Variants in USP13 observed in about 807,000 individuals in gnomAD.
USP13 encodes the protein ubiquitin specific peptidase 13.
A neutral mutation model predicts 107.8 loss-of-function variants in USP13; 68 were observed. The observed-to-expected ratio is 0.63, with a 90% CI of 0.52 to 0.77. The LOEUF is 0.77. Ranked by LOEUF, USP13 falls within the 30% of genes least tolerant of loss-of-function variation. The probability of loss-of-function intolerance (pLI) is 0.00; values close to 1 mark genes in which losing one functional copy is unlikely to be tolerated. For missense variants in USP13, 945 were observed against 1,093.3 expected (o/e 0.86, Z 1.91); for synonymous variants, 377 against 389.5 (o/e 0.97, Z 0.38).
chr3:179,730,161 G>T (rs780879607), intron 8 of USP13, 28 bp from the exon 9 acceptor site: 1 of 1,600,840 alleles, frequency 6.2e-7, no homozygotes, highest in South Asian at 1.1e-5. Context: ...CAGTTGCTAT[G>T]TTTTAACTAT....
At chr3:179,694,799 CAAAAAAAAAAAAAAA>C (rs576517737) in intron 3 of USP13, among the ~76,000 whole-genome samples, 3 of 82,188 alleles carry the variant, frequency 3.7e-5, no homozygotes, top group African/African-American at 1.4e-4. Context: ...AACTCCATCT[CAAAAAAAAAAAAAAA>C]AAAAAAAAAG....
intron 4 of USP13, among the ~76,000 whole-genome samples, chr3:179,702,315 G>T (rs55948115): frequency 0.24 from 36,706 of 152,144 alleles, 4,863 homozygotes; most frequent in African/African-American, 0.33. Context: ...CACCGCGCCC[G>T]GCCTGGTCTC....
At chr3:179,690,110 A>C in intron 2 of USP13, 131 bp from the exon 3 acceptor site, 1 of 787,850 alleles carries the variant, frequency 1.3e-6, no homozygotes, top group South Asian at 2.1e-5. Context: ...TTTATCCTGG[A>C]ATTGCTAATC....
At chr3:179,780,824 T>C (rs778355297) in intron 19 of USP13, among the ~76,000 whole-genome samples, 3 of 152,216 alleles carry the variant, frequency 2.0e-5, no homozygotes, top group Non-Finnish European at 4.4e-5. Context: ...AATACTTCTT[T>C]TGGAAAATGT....
At chr3:179,767,804 C>T (rs1437302643) in intron 19 of USP13, among the ~76,000 whole-genome samples, 1 of 152,114 alleles carries the variant, frequency 6.6e-6, no homozygotes, top group Non-Finnish European at 1.5e-5. Flanking sequence ...GCATTTGTTC[C>T]TATAATCATA....
At position 179,721,335 on chromosome 3, in the gene USP13, TA is replaced by T; in HGVS notation, c.901-65del. On this transcript the variant is annotated intron_variant, in intron 7 of 20. Coordinates refer to ENST00000263966, the MANE Select transcript of USP13 (RefSeq NM_003940.3). This position sits in a 1 kb window ranked among gnomAD's most constrained non-coding sequence, Gnocchi z 4.3. ...AACATCCTATGCTGTTAGAAATAAT[TA>T]ACGGGACATGACCTTTGAATGGGAA... The T allele has an allele frequency of 6.6e-7, 1 of 1,521,600 alleles. No homozygotes were observed. The highest frequency in any genetic ancestry group is 1.3e-5 in the South Asian group (1 of 78,612). 94.3% of individuals were successfully genotyped at this position (1,521,600 alleles called of 1,614,324 possible).
intron 20 of USP13, among the ~76,000 whole-genome samples, chr3:179,783,684 A>G (rs1012630882): frequency 6.6e-6 from 1 of 152,302 alleles, no homozygotes; most frequent in Admixed American, 6.5e-5. Context: ...TTTAGTAACT[A>G]CTTTTTGATG....
Position 179,781,816 on chromosome 3 carries a change from G to A in USP13, c.2491G>A (p.Glu831Lys). ...SGHYICHIKKEGRWVIYNDHK... is the reference protein window; with the variant it reads ...SGHYICHIKKKGRWVIYNDHK... ...TCATTACATTTGCCATATCAAAAAG[G>A]AAGGAAGGTGAGTCATTTTTAGAAG... Residue 831 changes from glutamate (E) to lysine (K), a missense_variant, in exon 20 of 21, where the codon GAA becomes AAA. Glu to Lys is a moderately conservative substitution (Grantham distance 56, BLOSUM62 1). Coordinates refer to ENST00000263966, the MANE Select transcript of USP13 (RefSeq NM_003940.3). 6.2e-7 allele frequency: 1 copy of A among 1,613,770 alleles called. No homozygotes were observed.
intron 19 of USP13, among the ~76,000 whole-genome samples, chr3:179,775,684 G>A (rs984651421): frequency 3.3e-5 from 5 of 152,206 alleles, no homozygotes; most frequent in Non-Finnish European, 7.4e-5. Context: ...GAGGCCTGGC[G>A]AGAATTCGAG....
chr3:179,658,436 G>GC (rs35708305), intron 1 of USP13, among the ~76,000 whole-genome samples: 7 of 152,024 alleles, frequency 4.6e-5, no homozygotes, highest in East Asian at 3.9e-4. Flanking sequence ...TGCTAATTCT[G>GC]CCCCCCTCCC....
chr3:179,725,278 A>C (rs1210258799), intron 8 of USP13, among the ~76,000 whole-genome samples: 3 of 152,006 alleles, frequency 2.0e-5, no homozygotes, highest in Non-Finnish European at 1.5e-5. Flanking sequence ...CCTATTCATT[A>C]GTGTTCATCT....
At chr3:179,655,130 GGAA>G (rs978012033) in intron 1 of USP13, among the ~76,000 whole-genome samples, 1 of 152,082 alleles carries the variant, frequency 6.6e-6, no homozygotes, top group African/African-American at 2.4e-5. Context: ...GTTACCTCCA[GGAA>G]GAAGAAAGTG....
chr3:179,691,983 A>G (rs763394563), intron 3 of USP13, among the ~76,000 whole-genome samples: 91 of 152,212 alleles, frequency 6.0e-4, no homozygotes, highest in Admixed American at 3.0e-3. Flanking sequence ...CCATAGTATG[A>G]TTTCATTTTT....
At chr3:179,730,744 G>C in intron 10 of USP13, 35 bp downstream of exon 10, 2 of 1,588,704 alleles carry the variant, frequency 1.3e-6, no homozygotes, top group Non-Finnish European at 8.6e-7. Context: ...TTGACATGTA[G>C]GTAGGGAGGA....
intron 1 of USP13, among the ~76,000 whole-genome samples, chr3:179,665,002 C>T (rs1194054434): frequency 2.0e-5 from 3 of 152,002 alleles, no homozygotes; most frequent in Admixed American, 6.6e-5. Context: ...GCAGGAGAAT[C>T]GCTTAAACCC....
chr3:179,765,954 T>G, intron 19 of USP13, 106 bp downstream of exon 19: 1 of 1,273,458 alleles, frequency 7.9e-7, no homozygotes, highest in Non-Finnish European at 1.1e-6. Flanking sequence ...CATTCAAAAG[T>G]TAGCACAGAT....
In USP13 at chr3:179,757,040, C is replaced by G; in HGVS notation, c.1922-12C>G. The stretch of plus-strand genomic sequence containing the variant: ...TTTGGTCTCATTTTCTGTCCTCTCC[C>G]TTAATTTCCAGATCGCCTGATGAAC... On this transcript the variant is annotated splice_polypyrimidine_tract_variant and intron_variant, in intron 15 of 20. Coordinates refer to ENST00000263966, the MANE Select transcript of USP13 (RefSeq NM_003940.3). 1.2e-6 allele frequency: 2 copies of G among 1,613,988 alleles called. No individual in the cohort carries two copies. The highest frequency in any genetic ancestry group is 1.7e-6 in the Non-Finnish European group (2 of 1,179,906).
intron 9 of USP13, among the ~76,000 whole-genome samples, 163 bp from the exon 10 acceptor site, chr3:179,730,453 T>C (rs1713760602): frequency 6.6e-6 from 1 of 152,246 alleles, no homozygotes; most frequent in Non-Finnish European, 1.5e-5. Flanking sequence ...TTGAAACTGG[T>C]ATCAGTATGA....
intron 3 of USP13, among the ~76,000 whole-genome samples, chr3:179,699,750 TA>T (rs1712450103): frequency 1.4e-5 from 1 of 72,170 alleles, no homozygotes; most frequent in Non-Finnish European, 2.5e-5. Context: ...TTATTTATTT[TA>T]TTTATTTATT....
Sources: allele counts gnomAD v4.1 joint callset (sites outside exome capture counted in the v4.1 genomes callset), GRCh38; gene constraint gnomAD v4.1.1; non-coding constraint Gnocchi (gnomAD v3.1); transcripts MANE v1.5; gene names NCBI Gene and HGNC (gene_info 2026-07-23, HGNC 2026-07-21).